CNTNAP5: variants seen among roughly 807,000 people sequenced by gnomAD.
CNTNAP5 encodes the protein contactin-associated protein-like 5.
CNTNAP5 carries 72 observed loss-of-function variants against 150.2 expected under a neutral mutation model. The ratio of observed to expected loss-of-function variants is 0.48; its 90% confidence interval spans 0.40 to 0.58. The LOEUF is 0.58. CNTNAP5 is among the 20% of genes least tolerant of loss of function. The probability of loss-of-function intolerance (pLI) is 0.00; values close to 1 mark genes in which losing one functional copy is unlikely to be tolerated. For synonymous variants in CNTNAP5, 672 were observed against 619.8 expected (o/e 1.08, Z -1.25); for missense variants, 1,636 against 1,626.2 (o/e 1.01, Z -0.10).
intron 7 of CNTNAP5, among the ~76,000 whole-genome samples, chr2:124,500,767 C>T (rs1694260270): frequency 6.6e-6 from 1 of 152,084 alleles, no homozygotes; most frequent in Non-Finnish European, 1.5e-5. Context: ...TTCTGAACAT[C>T]TTGGCTGTTC....
At chr2:124,257,838 G>C (rs1295671325) in intron 3 of CNTNAP5, among the ~76,000 whole-genome samples, 1 of 151,656 alleles carries the variant, frequency 6.6e-6, no homozygotes, top group Non-Finnish European at 1.5e-5. Context: ...CTCTCTACTT[G>C]GTCTGGTATG....
intron 3 of CNTNAP5, among the ~76,000 whole-genome samples, chr2:124,242,885 C>T (rs374862248): frequency 8.5e-5 from 13 of 152,214 alleles, no homozygotes; most frequent in South Asian, 4.2e-4. Context: ...TTTAAAGCCA[C>T]GAAGCAGCTT....
At chr2:124,158,381 A>G (rs189547462) in intron 1 of CNTNAP5, among the ~76,000 whole-genome samples, 2 of 152,324 alleles carry the variant, frequency 1.3e-5, no homozygotes, top group African/African-American at 4.8e-5. Context: ...GTATTTTCAT[A>G]TAACCTACGC....
intron 17 of CNTNAP5, among the ~76,000 whole-genome samples, chr2:124,773,492 G>A (rs1476914116): frequency 6.6e-6 from 1 of 152,122 alleles, no homozygotes; most frequent in East Asian, 1.9e-4. Flanking sequence ...GTTGAGAAAG[G>A]AATGATCCCT....
In CNTNAP5 at chr2:124,772,799, C is replaced by T; in HGVS notation, c.2534C>T (p.Ser845Phe). Residue 845 changes from serine to phenylalanine, a missense_variant and splice_region_variant, in exon 17 of 24, where the codon TCT (serine) becomes TTT (phenylalanine). Transcript: ENST00000682447. ...IKDFIRLEIS[S>F]PSEITFAIDV... ...TTCCTGTTTTCCTTTCCGGTTTCAG[C>T]TCCTTCAGAGATCACCTTTGCCATC... The T allele has an allele frequency of 6.2e-7, 1 of 1,613,306 alleles. No individual in the cohort carries two copies. The highest frequency in any genetic ancestry group is 8.5e-7 in the Non-Finnish European group (1 of 1,179,300).
intron 3 of CNTNAP5, among the ~76,000 whole-genome samples, chr2:124,322,635 C>T (rs1439579871): frequency 2.0e-5 from 3 of 152,314 alleles, no homozygotes; most frequent in Non-Finnish European, 4.4e-5. Flanking sequence ...TTTAGTAGAG[C>T]TGTTCTGTCC....
chr2:124,311,923 T>C (rs1417230865), intron 3 of CNTNAP5, among the ~76,000 whole-genome samples: 1 of 152,200 alleles, frequency 6.6e-6, no homozygotes, highest in Non-Finnish European at 1.5e-5. Context: ...AACTGGCTCA[T>C]GGTACTGCAG....
chr2:124,353,152 T>C (rs1445853079), intron 3 of CNTNAP5, among the ~76,000 whole-genome samples: 1 of 152,072 alleles, frequency 6.6e-6, no homozygotes, highest in Non-Finnish European at 1.5e-5. Context: ...ACATTTTCAA[T>C]GTAAGCGAAT....
intron 3 of CNTNAP5, among the ~76,000 whole-genome samples, chr2:124,311,220 A>G (rs893124830): frequency 1.3e-5 from 2 of 152,166 alleles, no homozygotes; most frequent in African/African-American, 4.8e-5. Context: ...GGATTGCCAT[A>G]ACAGAATACC....
At chr2:124,722,298 C>A (rs1355579105) in intron 13 of CNTNAP5, among the ~76,000 whole-genome samples, 3 of 152,040 alleles carry the variant, frequency 2.0e-5, no homozygotes, top group Non-Finnish European at 2.9e-5. Context: ...ATTAAAATAT[C>A]ATTTAAACTA....
At chr2:124,327,699 A>G (rs954590604) in intron 3 of CNTNAP5, among the ~76,000 whole-genome samples, 4 of 152,158 alleles carry the variant, frequency 2.6e-5, no homozygotes, top group Non-Finnish European at 4.4e-5. Context: ...AAATTTTAAA[A>G]TCTATCTAAG....
intron 21 of CNTNAP5, among the ~76,000 whole-genome samples, chr2:124,890,956 C>A (rs1678182204): frequency 6.6e-6 from 1 of 152,102 alleles, no homozygotes; most frequent in Non-Finnish European, 1.5e-5. Context: ...AGGCAATGAG[C>A]TAAAAAGAGC....
intron 19 of CNTNAP5, among the ~76,000 whole-genome samples, chr2:124,801,899 A>ACCC (rs1178746445): frequency 9.9e-5 from 15 of 152,134 alleles, no homozygotes; most frequent in African/African-American, 3.6e-4. Context: ...AGATCAGAAA[A>ACCC]CCACAGGGTT....
intron 1 of CNTNAP5, among the ~76,000 whole-genome samples, chr2:124,171,803 T>C (rs1487539832): frequency 6.6e-6 from 1 of 152,178 alleles, no homozygotes; most frequent in East Asian, 1.9e-4. Flanking sequence ...AATTTGGTTA[T>C]GTTTTAGGTT....
intron 11 of CNTNAP5, among the ~76,000 whole-genome samples, chr2:124,567,328 C>T (rs1573464202): frequency 6.6e-6 from 1 of 152,160 alleles, no homozygotes; most frequent in Admixed American, 6.5e-5. Flanking sequence ...TTATCCTTAC[C>T]TGATGATACT....
In CNTNAP5 at chr2:124,869,759, A is replaced by G; in HGVS notation, c.3433A>G (p.Thr1145Ala). Residue 1145 changes from threonine (T) to alanine (A), a missense_variant, in exon 21 of 24, where the codon ACA (threonine) becomes GCA (alanine). By Grantham distance (58) the Thr-to-Ala change is moderately conservative. Coordinates refer to ENST00000682447, the MANE Select transcript of CNTNAP5 (RefSeq NM_001367498.1). The part of the protein sequence containing the change: ...VIRSLTLGKV[T>A]ENLGLDSEVA... ...AAGGTCACTCACCTTGGGCAAAGTC[A>G]CAGGTATGTTGTTCTAGTTCATACC... 1 of 1,590,790 alleles carries G rather than the reference A, an allele frequency of 6.3e-7. No individual in the cohort carries two copies.
chr2:124,277,617 G>A (rs897621774), intron 3 of CNTNAP5, among the ~76,000 whole-genome samples: 2 of 152,072 alleles, frequency 1.3e-5, no homozygotes, highest in East Asian at 3.9e-4. Flanking sequence ...TAAATATTGG[G>A]CCAATAATTC....
At chr2:124,813,870 T>C (rs1392936794) in intron 19 of CNTNAP5, among the ~76,000 whole-genome samples, 1 of 152,006 alleles carries the variant, frequency 6.6e-6, no homozygotes, top group Non-Finnish European at 1.5e-5. Context: ...TATACAAAGA[T>C]AGCTTTGGCT....
chr2:124,913,173 C>T (rs975531211), intron 23 of CNTNAP5, among the ~76,000 whole-genome samples: 22 of 152,012 alleles, frequency 1.4e-4, no homozygotes, highest in African/African-American at 3.4e-4. Context: ...ATCTCCTCTC[C>T]TTAGAAAAAT....
Sources: gnomAD v4.1 joint callset for allele counts (sites outside exome capture counted in the v4.1 genomes callset) on GRCh38, gnomAD v4.1.1 for gene constraint, MANE v1.5 for transcripts, NCBI Gene and HGNC (gene_info 2026-07-23, HGNC 2026-07-21) for gene names.